Variants in RP1 observed in about 807,000 individuals in gnomAD.
The protein encoded by RP1 is RP1 axonemal microtubule associated, also known as oxygen-regulated protein 1.
Under a neutral mutation model 14.8 loss-of-function variants are expected in RP1, and 16 were observed. The ratio of observed to expected loss-of-function variants is 1.08; its 90% CI spans 0.73 to 1.65. The LOEUF is 1.65. RP1 is among the 40% of genes most tolerant of loss of function. RP1 has a pLI of 0.00. For synonymous variants in RP1, 876 were observed against 883.6 expected, an observed-to-expected ratio of 0.99 and a Z score of 0.15; for missense variants, 2,631 against 2,535.0, an observed-to-expected ratio of 1.04 and a Z score of -0.81.
chr8:54,679,400 A>G, intron 9 of RP1: 1 of 1,526,846 alleles, frequency 6.5e-7, no homozygotes, highest in Non-Finnish European at 8.8e-7. Context: ...AAAATAATCG[A>G]TACACTTTTC....
intron 22 of RP1, among the ~76,000 whole-genome samples, chr8:54,761,462 C>A (rs1328122797): frequency 6.6e-6 from 1 of 151,956 alleles, no homozygotes; most frequent in African/African-American, 2.4e-5. Context: ...GTCTCCAACC[C>A]CTGACTTCAG....
chr8:54,868,590 C>G (rs1348252623), intron 28 of RP1, among the ~76,000 whole-genome samples: 1 of 152,126 alleles, frequency 6.6e-6, no homozygotes, highest in Non-Finnish European at 1.5e-5. Context: ...CCTTGGCCCT[C>G]TGGAAAGTTT....
intron 1 of RP1, among the ~76,000 whole-genome samples, chr8:54,590,713 T>G (rs532483241): frequency 6.6e-6 from 1 of 152,338 alleles, no homozygotes; most frequent in South Asian, 2.1e-4. Flanking sequence ...TTATGTGGTT[T>G]AAAGTGCCAT....
chr8:54,837,222 G>T, intron 24 of RP1, among the ~76,000 whole-genome samples: 1 of 152,130 alleles, frequency 6.6e-6, no homozygotes, highest in East Asian at 1.9e-4. Flanking sequence ...TAAAAGAAAG[G>T]ATGTAATGAA....
chr8:54,763,410 C>T (rs1043215213), intron 22 of RP1, among the ~76,000 whole-genome samples: 1 of 152,114 alleles, frequency 6.6e-6, no homozygotes, highest in Non-Finnish European at 1.5e-5. Flanking sequence ...AATAAAGGCC[C>T]TACCTAGGGG....
chr8:54,871,127 C>T (rs1394472896), exon 29 of RP1: 7 of 152,110 alleles, frequency 4.6e-5, no homozygotes, highest in Non-Finnish European at 8.8e-5. Flanking sequence ...GTGAAGAGAG[C>T]TTGGCCTCAT....
chr8:54,835,375 T>C (rs562331978), intron 24 of RP1, among the ~76,000 whole-genome samples: 27 of 152,304 alleles, frequency 1.8e-4, no homozygotes, highest in African/African-American at 6.3e-4. Context: ...AATCTATGGG[T>C]AATTTAGTTG....
chr8:54,774,050 C>A (rs1289459751), downstream of RP1, among the ~76,000 whole-genome samples: 1 of 152,202 alleles, frequency 6.6e-6, no homozygotes, highest in Non-Finnish European at 1.5e-5. Flanking sequence ...CTCAGCTAAA[C>A]ATGATTAAGA....
chr8:54,607,082 G>T (rs13265487), intron 1 of RP1, among the ~76,000 whole-genome samples: 52,289 of 151,986 alleles, frequency 0.34, 9,565 homozygotes, highest in Middle Eastern at 0.49. Context: ...TTCCATTGCT[G>T]GTGAGGAGCT....
At chr8:54,605,319 G>A (rs1805404678) in intron 1 of RP1, among the ~76,000 whole-genome samples, 1 of 152,306 alleles carries the variant, frequency 6.6e-6, no homozygotes, top group Non-Finnish European at 1.5e-5. Context: ...TCAGGAGCAG[G>A]TTGTTCAATT....
intron 1 of RP1, among the ~76,000 whole-genome samples, chr8:54,583,588 C>A (rs1421700453): frequency 1.3e-5 from 2 of 152,128 alleles, no homozygotes; most frequent in Non-Finnish European, 1.5e-5. Context: ...CCAGTTCCTC[C>A]TTGTACCTCT....
At chr8:54,567,462 A>T (rs1340396972) in intron 1 of RP1, among the ~76,000 whole-genome samples, 1 of 152,204 alleles carries the variant, frequency 6.6e-6, no homozygotes. Context: ...TCCTGAGGAA[A>T]AGTAAAGTAA....
intron 7 of RP1, among the ~76,000 whole-genome samples, chr8:54,670,298 T>G (rs1807124007): frequency 6.6e-6 from 1 of 151,704 alleles, no homozygotes; most frequent in Admixed American, 6.6e-5. Flanking sequence ...CATGTCCACT[T>G]GCTTTATTGA....
chr8:54,600,225 A>G (rs1460956040), intron 1 of RP1, among the ~76,000 whole-genome samples: 2 of 152,148 alleles, frequency 1.3e-5, no homozygotes, highest in African/African-American at 2.4e-5. Flanking sequence ...GTTTCCCTGC[A>G]TAAGCTCTGT....
At chr8:54,724,196 G>T (rs1808598168) in intron 16 of RP1, among the ~76,000 whole-genome samples, 1 of 152,064 alleles carries the variant, frequency 6.6e-6, no homozygotes, top group Admixed American at 6.5e-5. Flanking sequence ...GTATATTACG[G>T]TCTTAGAAAA....
intron 12 of RP1, among the ~76,000 whole-genome samples, chr8:54,695,976 CTG>C (rs1461664360): frequency 1.3e-5 from 2 of 152,054 alleles, no homozygotes; most frequent in Non-Finnish European, 2.9e-5. Context: ...TTGAACTAAT[CTG>C]TGTCTTTCAT....
At chr8:54,769,717 TTCTCTC>T (rs755748543) in intron 22 of RP1, 2 of 1,409,510 alleles carry the variant, frequency 1.4e-6, no homozygotes, top group Non-Finnish European at 1.9e-6. Context: ...CTCTCTTTCT[TTCTCTC>T]TCTCTCTTTT....
chr8:54,737,231 C>G (rs1808955145), intron 18 of RP1, among the ~76,000 whole-genome samples: 1 of 152,172 alleles, frequency 6.6e-6, no homozygotes, highest in African/African-American at 2.4e-5. Flanking sequence ...GAGCCTTACC[C>G]TTCACAGGGT....
chr8:54,572,831 G>C (rs1337779948), intron 1 of RP1, among the ~76,000 whole-genome samples: 1 of 152,086 alleles, frequency 6.6e-6, no homozygotes, highest in African/African-American at 2.4e-5. Context: ...CTGGGCTGGT[G>C]GTGTTAGAAT....
Sources: allele counts gnomAD v4.1 joint callset (sites outside exome capture counted in the v4.1 genomes callset), GRCh38; gene constraint gnomAD v4.1.1; transcripts MANE v1.5; gene names NCBI Gene and HGNC (gene_info 2026-07-23, HGNC 2026-07-21).